ACTN1: variants seen among roughly 807,000 people sequenced by gnomAD.
ACTN1 encodes the protein actinin alpha 1.
ACTN1 carries 30 observed loss-of-function variants against 119.6 expected under a neutral mutation model. The ratio of observed to expected loss-of-function variants is 0.25; its 90% CI spans 0.19 to 0.34. ACTN1 has a LOEUF of 0.34. Among genes scored for constraint, ACTN1 ranks in the 10% least tolerant of loss-of-function variants. ACTN1 has a pLI of 1.00. For missense variants in ACTN1, 764 were observed against 1,223.4 expected, an observed-to-expected ratio of 0.62 and a Z score of 5.60; for synonymous variants, 429 against 472.6, an observed-to-expected ratio of 0.91 and a Z score of 1.20.
chr14:68,978,769 C>T, intron 1 of ACTN1, 183 bp downstream of exon 1: 3 of 420,604 alleles, frequency 7.1e-6, no homozygotes, highest in Non-Finnish European at 1.2e-5. Flanking sequence ...GGCAGGGGCG[C>T]TCCCGCTTCC....
chr14:68,879,917 AG>A lies in ACTN1; in HGVS notation c.2280+44del. 6.2e-7 allele frequency: 1 copy of A among 1,600,974 alleles called. No individual in the cohort carries two copies. Among genetic ancestry groups the A allele is most frequent in the South Asian group, 1.1e-5 (1 of 90,360 alleles). ...GAAGTGCCCTCCAGGGCCCTGGGGC[AG>A]GGGTTGGGGGCTGCACTAAGAAAGC... is the stretch of plus-strand genomic sequence containing the variant. On this transcript the variant is annotated intron_variant, in intron 18 of 21. Transcript: ENST00000394419. The surrounding 1 kb of genome is among the most constrained non-coding windows in gnomAD (Gnocchi z 4.9).
chr14:68,879,402 G>C lies in ACTN1; in HGVS notation c.2281-333C>G, dbSNP rs892645926. On this transcript the variant is annotated intron_variant, in intron 18 of 21. Coordinates refer to ENST00000394419, the MANE Select transcript of ACTN1 (RefSeq NM_001130004.2). This position sits in a 1 kb window ranked among gnomAD's most constrained non-coding sequence, Gnocchi z 4.9. ...AGGGGCTTCCCCCCAGGTGCCTAGA[G>C]AGCCATGAAGCAGGTGGGGTGGTGG... Among the ~76,000 whole-genome samples the C allele has an allele frequency of 2.0e-5, 3 of 152,070 alleles. No individual in the cohort carries two copies. Among genetic ancestry groups the C allele is most frequent in the African/African-American group, 7.2e-5 (3 of 41,412 alleles).
chr14:68,960,178 G>T (rs2036480459), intron 1 of ACTN1, among the ~76,000 whole-genome samples: 2 of 152,290 alleles, frequency 1.3e-5, no homozygotes, highest in Admixed American at 1.3e-4. Flanking sequence ...AGAGGCAGAA[G>T]AGGTGGAGGA....
intron 1 of ACTN1, among the ~76,000 whole-genome samples, chr14:68,941,818 C>G (rs1402652745): frequency 6.6e-6 from 1 of 152,118 alleles, no homozygotes; most frequent in Non-Finnish European, 1.5e-5. Context: ...CCTTGGCACC[C>G]AGTGTGTTCC....
intron 1 of ACTN1, chr14:68,974,242 C>T (rs1281917066): frequency 6.6e-6 from 1 of 152,634 alleles, no homozygotes; most frequent in East Asian, 1.9e-4. Flanking sequence ...GGCCGTCTCT[C>T]GCAGAAAGGT....
At chr14:68,937,521 T>C (rs2035584537) in intron 1 of ACTN1, among the ~76,000 whole-genome samples, 1 of 152,154 alleles carries the variant, frequency 6.6e-6, no homozygotes, top group Non-Finnish European at 1.5e-5. Flanking sequence ...GTGTAAAATC[T>C]TAAAGAAAGT....
At chr14:68,965,380 A>C (rs1208539973) in intron 1 of ACTN1, among the ~76,000 whole-genome samples, 2 of 152,378 alleles carry the variant, frequency 1.3e-5, no homozygotes, top group Non-Finnish European at 2.9e-5. Flanking sequence ...CCTTGGGCAG[A>C]TTCCAGGCTG....
chr14:68,976,804 T>C (rs1471647451), intron 1 of ACTN1, among the ~76,000 whole-genome samples: 1 of 152,236 alleles, frequency 6.6e-6, no homozygotes, highest in South Asian at 2.1e-4. Context: ...TGTTCGTGCC[T>C]GGCACATATC....
chr14:68,898,485 C>T (rs922657538), intron 8 of ACTN1, among the ~76,000 whole-genome samples: 4 of 152,144 alleles, frequency 2.6e-5, no homozygotes, highest in East Asian at 1.9e-4. Flanking sequence ...CAAGGTTGGG[C>T]GACAGAAAGA....
intron 1 of ACTN1, among the ~76,000 whole-genome samples, chr14:68,935,497 T>C (rs1052393195): frequency 6.8e-6 from 1 of 147,738 alleles, no homozygotes. Flanking sequence ...GCAATTCTCC[T>C]GCCTCAGCCT....
chr14:68,955,657 A>G (rs1015672715), intron 1 of ACTN1, among the ~76,000 whole-genome samples: 3 of 152,136 alleles, frequency 2.0e-5, no homozygotes, highest in Non-Finnish European at 4.4e-5. Flanking sequence ...GCAGGGTGAG[A>G]GGGATCAGTG....
intron 1 of ACTN1, among the ~76,000 whole-genome samples, chr14:68,950,462 G>GTGTGTGTGTGTGTGTGTGTGTA: frequency 7.1e-5 from 9 of 125,910 alleles, no homozygotes; most frequent in African/African-American, 3.3e-4. Context: ...ATGCGTGTGT[G>GTGTGTGTGTGTGTGTGTGTGTA]TATATATATA....
Position 68,879,766 on chromosome 14 carries a change from G to A in ACTN1, c.2280+196C>T, listed in dbSNP as rs2031317856. 1.5e-6 allele frequency: 1 copy of A among 653,546 alleles called. No homozygotes were observed. The highest frequency in any genetic ancestry group is 3.0e-5 in the Admixed American group (1 of 32,968). 40.5% of individuals were successfully genotyped at this position (653,546 alleles called of 1,614,324 possible). On this transcript the variant is annotated intron_variant, in intron 18 of 21. Transcript: ENST00000394419. The surrounding 1 kb of genome is among the most constrained non-coding windows in gnomAD (Gnocchi z 4.9). ...TGAACACTCTCTCCCGGAAAGCAGG[G>A]AAGCTTATGGGGCACCAACACAGGT...
Position 68,874,712 on chromosome 14 carries a change from G to C in ACTN1, c.*147C>G, listed in dbSNP as rs1337710760. The stretch of plus-strand genomic sequence containing the variant: ...AAATAATTTTGTAAACTGTCACTTC[G>C]CGGGCAGGGAGGATCGATGCCACGT... On this transcript the variant is annotated 3_prime_UTR_variant, in exon 22 of 22. Transcript: ENST00000394419. 1 of 718,564 alleles carries C rather than the reference G, an allele frequency of 1.4e-6. No individual in the cohort carries two copies. The highest frequency in any genetic ancestry group is 1.8e-5 in the African/African-American group (1 of 54,762). 44.5% of individuals were successfully genotyped at this position (718,564 alleles called of 1,614,324 possible).
At chr14:68,914,463 CAA>C (rs2140313108) in intron 3 of ACTN1, among the ~76,000 whole-genome samples, 1 of 152,258 alleles carries the variant, frequency 6.6e-6, no homozygotes, top group South Asian at 2.1e-4. Context: ...ATTAAATTAG[CAA>C]AGTTAAAAAA....
intron 3 of ACTN1, among the ~76,000 whole-genome samples, chr14:68,919,945 T>C (rs1490746533): frequency 6.6e-6 from 1 of 152,186 alleles, no homozygotes; most frequent in Non-Finnish European, 1.5e-5. Flanking sequence ...ATTTGATAAA[T>C]ATCCCTCCAT....
intron 1 of ACTN1, among the ~76,000 whole-genome samples, chr14:68,964,959 T>C (rs1436681986): frequency 1.3e-5 from 2 of 152,178 alleles, no homozygotes; most frequent in Non-Finnish European, 2.9e-5. Context: ...GCTGCCTGCA[T>C]GTGTGAAATT....
intron 3 of ACTN1, among the ~76,000 whole-genome samples, chr14:68,915,485 AAGCCC>A (rs2034241230): frequency 6.6e-6 from 1 of 152,320 alleles, no homozygotes; most frequent in East Asian, 1.9e-4. Flanking sequence ...TCTAGAATGT[AAGCCC>A]CTTGAGGGTA....
At position 68,926,897 on chromosome 14, in the gene ACTN1, C is replaced by A. The variant is rs116829507; in HGVS notation, c.106-1225G>T. On this transcript the variant is annotated intron_variant, in intron 1 of 21. Transcript: ENST00000394419. ...AGATTTAGGAGCAAAAGTTGAAGAG[C>A]CTATGAACAAGAAAGGGAACAGGGG... Among the ~76,000 whole-genome samples, 815 of 152,178 alleles carry A rather than the reference C, an allele frequency of 5.4e-3. 4 individuals carry two copies. Among genetic ancestry groups the A allele is most frequent in the African/African-American group, 0.018 (765 of 41,542 alleles).
Sources: allele counts gnomAD v4.1 joint callset (sites outside exome capture counted in the v4.1 genomes callset), GRCh38; gene constraint gnomAD v4.1.1; non-coding constraint Gnocchi (gnomAD v3.1); transcripts MANE v1.5; gene names NCBI Gene and HGNC (gene_info 2026-07-23, HGNC 2026-07-21).